Variants in PSEN2 observed in about 807,000 individuals in gnomAD.
PSEN2 encodes the protein presenilin-2.
PSEN2 carries 32 observed loss-of-function variants against 49.1 expected under a neutral mutation model. That is an observed-to-expected ratio of 0.65 (90% confidence interval 0.49 to 0.88). The LOEUF is 0.88. Ranked by LOEUF, PSEN2 falls within the 40% of genes least tolerant of loss-of-function variation. The pLI is 0.00. For missense variants in PSEN2, 522 were observed against 586.9 expected (o/e 0.89, Z 1.14); for synonymous variants, 255 against 244.0 (o/e 1.05, Z -0.42).
At chr1:226,900,072 C>A (rs1404536178), downstream of PSEN2, among the ~76,000 whole-genome samples, 1 of 152,040 alleles carries the variant, frequency 6.6e-6, no homozygotes, top group Admixed American at 6.6e-5. Context: ...AATGAAGTTA[C>A]CAAAACAATG....
intron 3 of PSEN2, among the ~76,000 whole-genome samples, chr1:226,875,832 TCAG>T (rs1660593673): frequency 6.6e-6 from 1 of 152,184 alleles, no homozygotes; most frequent in African/African-American, 2.4e-5. Flanking sequence ...TTTGGCTAAT[TCAG>T]CAGTTTGATC....
intron 2 of PSEN2, among the ~76,000 whole-genome samples, chr1:226,874,612 A>G (rs1660512752): frequency 6.6e-6 from 1 of 152,208 alleles, no homozygotes; most frequent in South Asian, 2.1e-4. Flanking sequence ...GCACATCCAT[A>G]GGCTACCGTG....
rs76157777 is a variant in PSEN2 at position 226,882,551 on chromosome 1, C to T, written c.141+503C>T. The stretch of plus-strand genomic sequence containing the variant: ...TGTAACGTTAGAAAGAGTAGGATAT[C>T]GTTGGGAGAGCCACTTAGTTGTGTC... On this transcript the variant is annotated intron_variant, in intron 4 of 12. Transcript: ENST00000366783. Among the ~76,000 whole-genome samples, 82 of 152,290 alleles carry T rather than the reference C, an allele frequency of 5.4e-4. 5 individuals carry two copies. In the East Asian group the frequency reaches 0.014, roughly 27 times the overall value.
chr1:226,897,639 C>G (rs756565873), downstream of PSEN2: 1 of 155,208 alleles, frequency 6.4e-6, no homozygotes, highest in Non-Finnish European at 1.5e-5. Flanking sequence ...ACATGCCGAA[C>G]AAGAGCAGGG....
At chr1:226,882,899 G>A (rs76221906) in intron 4 of PSEN2, among the ~76,000 whole-genome samples, 1,711 of 152,286 alleles carry the variant, frequency 0.011, 39 homozygotes, top group African/African-American at 0.039. Context: ...TTGGCTGAAC[G>A]TCTAGATTGG....
chr1:226,877,082 G>A (rs1224645048), intron 3 of PSEN2, among the ~76,000 whole-genome samples: 1 of 152,222 alleles, frequency 6.6e-6, no homozygotes, highest in Non-Finnish European at 1.5e-5. Flanking sequence ...GTGCCAAGCA[G>A]TGAGAGGGTG....
intron 3 of PSEN2, chr1:226,880,790 G>C: frequency 1.2e-6 from 2 of 1,606,746 alleles, no homozygotes; most frequent in East Asian, 2.2e-5. Context: ...TAGGGGGCAG[G>C]CTTCCCTCCT....
intron 3 of PSEN2, chr1:226,880,837 T>A (rs1325932065): frequency 6.5e-7 from 1 of 1,533,462 alleles, no homozygotes; most frequent in Non-Finnish European, 8.9e-7. Flanking sequence ...GGTCCCGCCC[T>A]CAGTGGCACT....
intron 8 of PSEN2, 87 bp downstream of exon 8, chr1:226,889,136 T>G (rs1046801102): frequency 1.6e-6 from 2 of 1,256,994 alleles, no homozygotes; most frequent in Non-Finnish European, 2.3e-6. Context: ...GGGCAGGTGC[T>G]GAAGGGCTTG....
downstream of PSEN2, among the ~76,000 whole-genome samples, chr1:226,901,013 G>A (rs1662297283): frequency 6.6e-6 from 1 of 152,200 alleles, no homozygotes; most frequent in Non-Finnish European, 1.5e-5. Context: ...CAAGCAGGGA[G>A]TAGTTAGTAT....
At chr1:226,878,917 C>G (rs1205017986) in intron 3 of PSEN2, among the ~76,000 whole-genome samples, 1 of 152,130 alleles carries the variant, frequency 6.6e-6, no homozygotes, top group Non-Finnish European at 1.5e-5. Context: ...AGTGAATTCC[C>G]CATTGCCAGA....
intron 9 of PSEN2, 169 bp from the exon 10 acceptor site, chr1:226,891,109 C>T: frequency 1.5e-6 from 1 of 655,862 alleles, no homozygotes; most frequent in Non-Finnish European, 2.8e-6. Flanking sequence ...GAGAGAGTGA[C>T]TCTGGACCCC....
intron 3 of PSEN2, chr1:226,880,859 C>T (rs1398025109): frequency 1.4e-6 from 2 of 1,437,626 alleles, no homozygotes; most frequent in Non-Finnish European, 1.9e-6. Flanking sequence ...CCCCACCTCA[C>T]ACGTCTGCTC....
chr1:226,878,332 A>T (rs2102658595), intron 3 of PSEN2, among the ~76,000 whole-genome samples: 1 of 152,194 alleles, frequency 6.6e-6, no homozygotes, highest in Non-Finnish European at 1.5e-5. Flanking sequence ...TGCCCACCTC[A>T]GACAGGCATG....
In PSEN2 at chr1:226,890,089, C is replaced by T. The variant is rs1661641173; in HGVS notation, c.842C>T (p.Ala281Val). The part of the protein sequence containing the change: ...KGPLRMLVET[A>V]QERNEPIFPA... ...CCTCTGAGAATGCTGGTAGAAACTG[C>T]CCAGGAGAGAAATGAGCCCATATTC... is the stretch of plus-strand genomic sequence containing the variant. The change falls in exon 9 of 13, where the codon GCC becomes GTC. Residue 281 changes from alanine to valine, a missense_variant. Physicochemically the swap from Ala to Val is moderately conservative, Grantham distance 64. Transcript: ENST00000366783. The T allele has an allele frequency of 6.2e-7, 1 of 1,614,060 alleles. No individual in the cohort carries two copies. Among genetic ancestry groups the T allele is most frequent in the Non-Finnish European group, 8.5e-7 (1 of 1,179,920 alleles).
In PSEN2 at chr1:226,880,673, A is replaced by G. The variant is rs558507594; in HGVS notation, c.-20-1215A>G. 18 of 1,612,858 alleles carry G rather than the reference A, an allele frequency of 1.1e-5. No individual in the cohort carries two copies. The East Asian group carries it at 4.0e-4, about 36-fold the overall frequency. On this transcript the variant is annotated intron_variant, in intron 3 of 12. Coordinates refer to ENST00000366783, the MANE Select transcript of PSEN2 (RefSeq NM_000447.3). Reference sequence around the variant, plus strand: ...GTTGGCAGGGACTGTCAGATTTGCCAGGCATTGTTTGAAGTTCTTCCCAGC... The same window carrying G: ...GTTGGCAGGGACTGTCAGATTTGCCGGGCATTGTTTGAAGTTCTTCCCAGC...
intron 12 of PSEN2, among the ~76,000 whole-genome samples, chr1:226,902,390 G>A (rs148851648): frequency 1.3e-5 from 2 of 152,210 alleles, no homozygotes; most frequent in East Asian, 3.9e-4. Context: ...TTTAGAGGAA[G>A]TAAGGGCATG....
intron 2 of PSEN2, 44 bp downstream of exon 2, chr1:226,871,448 T>C (rs2102644193): frequency 6.6e-6 from 1 of 152,348 alleles, no homozygotes; most frequent in Middle Eastern, 3.4e-3. Flanking sequence ...TGTCCTGGCT[T>C]CTAGATCTGC....
chr1:226,883,951 G>T, intron 5 of PSEN2, 32 bp downstream of exon 5: 1 of 1,476,666 alleles, frequency 6.8e-7, no homozygotes, highest in Non-Finnish European at 9.3e-7. Flanking sequence ...AGCAGGGTGG[G>T]GTGAGGGCTG....
Sources: gnomAD v4.1 joint callset for allele counts (sites outside exome capture counted in the v4.1 genomes callset) on GRCh38, gnomAD v4.1.1 for gene constraint, MANE v1.5 for transcripts, NCBI Gene and HGNC (gene_info 2026-07-23, HGNC 2026-07-21) for gene names.